Variants in NDUFA5 observed in about 807,000 individuals in gnomAD.
NDUFA5 encodes the protein NADH dehydrogenase [ubiquinone] 1 alpha subcomplex subunit 5.
A neutral mutation model predicts 19.8 loss-of-function variants in NDUFA5; 11 were observed. The ratio of observed to expected loss-of-function variants is 0.56; its 90% CI spans 0.35 to 0.92. The LOEUF (loss-of-function observed/expected upper bound fraction) is 0.92. Ranked by LOEUF, NDUFA5 falls within the 40% of genes least tolerant of loss-of-function variation. The pLI is 0.01. For missense variants in NDUFA5, 109 were observed against 134.2 expected, an observed-to-expected ratio of 0.81 and a Z score of 0.93; for synonymous variants, 47 against 46.8, an observed-to-expected ratio of 1.00 and a Z score of -0.01.
In NDUFA5 at chr7:123,548,899, T is replaced by C. The variant is rs562998852; in HGVS notation, c.183+1571A>G. 2.2e-3 allele frequency among the ~76,000 whole-genome samples: 341 copies of C among 152,256 alleles called. 1 individual carries two copies. The highest frequency in any genetic ancestry group is 7.7e-3 in the African/African-American group (321 of 41,544). On this transcript the variant is annotated intron_variant, in intron 3 of 4. Transcript: ENST00000355749. Reference sequence around the variant, plus strand: ...CAGGATCTGCATCTGTGGATTCAACTAAGAATGGATTCAACCAACCACAGA... The same window carrying C: ...CAGGATCTGCATCTGTGGATTCAACCAAGAATGGATTCAACCAACCACAGA...
the NDUFA5 span, among the ~76,000 whole-genome samples, chr7:123,592,085 G>A: frequency 1.6e-4 from 24 of 152,140 alleles, no homozygotes; most frequent in Non-Finnish European, 3.2e-4. Flanking sequence ...GTTTATTTCT[G>A]TAGAGGTGTT....
chr7:123,568,493 C>A, the NDUFA5 span, among the ~76,000 whole-genome samples: 64 of 151,046 alleles, frequency 4.2e-4, no homozygotes, highest in African/African-American at 1.4e-3. Flanking sequence ...TGCACTCCAG[C>A]CTGAACAACA....
intron 3 of NDUFA5, among the ~76,000 whole-genome samples, chr7:123,549,732 C>T (rs1176814022): frequency 3.3e-5 from 5 of 152,150 alleles, no homozygotes; most frequent in African/African-American, 7.2e-5. Context: ...GAGCTGTGAT[C>T]GTGCCACTGC....
At chr7:123,581,388 A>G in the NDUFA5 span, among the ~76,000 whole-genome samples, 1 of 151,328 alleles carries the variant, frequency 6.6e-6, no homozygotes, top group Admixed American at 6.6e-5. Flanking sequence ...GAGTGAAAAC[A>G]AAACATGATC....
upstream of NDUFA5, chr7:123,558,026 A>G (rs1474060329): frequency 9.0e-6 from 6 of 669,224 alleles, no homozygotes; most frequent in Non-Finnish European, 1.2e-5. Context: ...GGGGAAAGAA[A>G]GGGTTTCCCA....
intron 2 of NDUFA5, among the ~76,000 whole-genome samples, chr7:123,552,238 C>A (rs935372223): frequency 6.6e-6 from 1 of 151,394 alleles, no homozygotes; most frequent in Non-Finnish European, 1.5e-5. Flanking sequence ...TGGAACCAAC[C>A]CAAATGCCCA....
chr7:123,598,113 C>T, the NDUFA5 span, among the ~76,000 whole-genome samples: 2 of 152,054 alleles, frequency 1.3e-5, no homozygotes, highest in East Asian at 3.9e-4. Flanking sequence ...TATGCATATA[C>T]TAAAATGTGT....
the NDUFA5 span, among the ~76,000 whole-genome samples, chr7:123,594,344 TGGA>T: frequency 2.0e-5 from 3 of 152,298 alleles, no homozygotes; most frequent in East Asian, 1.9e-4. Context: ...TGTGTTCCTT[TGGA>T]GGAGAAGAGG....
rs1159951593 is a variant in NDUFA5 at position 123,540,503 on chromosome 7, C to T, written c.*1616G>A. 6.6e-6 allele frequency: 1 copy of T among 152,090 alleles called. No homozygotes were observed. Among genetic ancestry groups the T allele is most frequent in the East Asian group, 1.9e-4 (1 of 5,188 alleles). The allele number at this position is 152,090 out of a possible 1,614,324, so 9.4% of individuals were successfully genotyped here. A position where few individuals can be genotyped will look rare whatever the true frequency, so the allele number is the denominator to read the frequency against. On this transcript the variant is annotated 3_prime_UTR_variant, in exon 5 of 5. Transcript: ENST00000355749. ...TGGCTAGAAAATTACCTTGAAAGTA[C>T]CCATGCAAACACACTTCAGCATCAT...
intron 4 of NDUFA5, among the ~76,000 whole-genome samples, chr7:123,542,888 G>T (rs1466901487): frequency 1.3e-5 from 2 of 151,830 alleles, no homozygotes; most frequent in African/African-American, 4.8e-5. Flanking sequence ...CACATTTTAG[G>T]TAGCTTTTTA....
chr7:123,562,423 T>C (rs1162755385), upstream of NDUFA5, among the ~76,000 whole-genome samples: 1 of 152,212 alleles, frequency 6.6e-6, no homozygotes, highest in Non-Finnish European at 1.5e-5. Flanking sequence ...CTTTTTCCCA[T>C]AGAAGGCTGT....
chr7:123,594,688 G>A, the NDUFA5 span, among the ~76,000 whole-genome samples: 1 of 152,190 alleles, frequency 6.6e-6, no homozygotes, highest in Non-Finnish European at 1.5e-5. Flanking sequence ...CCTGTATGAG[G>A]TGTCTGTCAG....
the NDUFA5 span, among the ~76,000 whole-genome samples, chr7:123,570,562 C>A: frequency 3.0e-4 from 45 of 152,260 alleles, no homozygotes; most frequent in Admixed American, 1.2e-3. Context: ...TGGCTTCTGA[C>A]GTCCTCACTC....
At chr7:123,572,142 T>C in the NDUFA5 span, among the ~76,000 whole-genome samples, 1 of 127,292 alleles carries the variant, frequency 7.9e-6, no homozygotes, top group East Asian at 2.2e-4. Context: ...TTTTTTTTTT[T>C]TTTTTTTTTT....
chr7:123,555,222 C>T (rs781499759), intron 2 of NDUFA5: 12 of 152,020 alleles, frequency 7.9e-5, no homozygotes, highest in Admixed American at 2.0e-4. Context: ...ATTCTGTGGA[C>T]AATTAAAAGA....
the NDUFA5 span, chr7:123,598,770 C>T: frequency 6.6e-6 from 1 of 152,146 alleles, no homozygotes; most frequent in Non-Finnish European, 1.5e-5. Context: ...ATAGTGCTAC[C>T]TTACTAAAAA....
At chr7:123,555,123 G>A (rs1212167503) in intron 2 of NDUFA5, 1 of 152,170 alleles carries the variant, frequency 6.6e-6, no homozygotes, top group African/African-American at 2.4e-5. Flanking sequence ...TGCTGTACAG[G>A]ACACATAAGG....
At chr7:123,559,181 A>G (rs980311146), upstream of NDUFA5, among the ~76,000 whole-genome samples, 1 of 152,050 alleles carries the variant, frequency 6.6e-6, no homozygotes, top group African/African-American at 2.4e-5. Context: ...ACTATGAACA[A>G]CTATGCTTAA....
chr7:123,554,577 G>A (rs1584701802), intron 2 of NDUFA5: 1 of 152,052 alleles, frequency 6.6e-6, no homozygotes, highest in Non-Finnish European at 1.5e-5. Flanking sequence ...ATCACAAGAG[G>A]GTGGTACAGT....
Sources: allele counts gnomAD v4.1 joint callset (sites outside exome capture counted in the v4.1 genomes callset), GRCh38; gene constraint gnomAD v4.1.1; transcripts MANE v1.5; gene names NCBI Gene and HGNC (gene_info 2026-07-23, HGNC 2026-07-21).